Variants in ARAP1 observed in about 807,000 individuals in gnomAD.
ARAP1 encodes the protein arf-GAP with Rho-GAP domain, ANK repeat and PH domain-containing protein 1.
A neutral mutation model predicts 172.2 loss-of-function variants in ARAP1; 76 were observed. The observed-to-expected ratio is 0.44, with a 90% CI of 0.37 to 0.53. The LOEUF is 0.53. Ranked by LOEUF, ARAP1 falls within the 20% of genes least tolerant of loss-of-function variation. ARAP1 has a pLI of 0.00. For missense variants in ARAP1, 1,686 were observed against 1,977.5 expected (o/e 0.85, Z 2.80); for synonymous variants, 804 against 803.3 (o/e 1.00, Z -0.01).
intron 1 of ARAP1, among the ~76,000 whole-genome samples, chr11:72,739,752 C>A (rs567148338): frequency 6.6e-6 from 1 of 152,186 alleles, no homozygotes. Flanking sequence ...CACTTCCTGT[C>A]CCTAGCCCTA....
At position 72,747,810 on chromosome 11, in the gene ARAP1, G is replaced by A. The variant is rs1444068700; in HGVS notation, c.-128+4518C>T. 3.3e-5 allele frequency among the ~76,000 whole-genome samples: 5 copies of A among 152,316 alleles called. No homozygotes were observed. In the East Asian group the frequency reaches 5.8e-4, roughly 18 times the overall value. On this transcript the variant is annotated intron_variant, in intron 1 of 34. Transcript: ENST00000393609. ...TCAGGATTTGACGGCAATTAGTCCC[G>A]TCTGCAAGCAGGATACCCCTGTACC...
In ARAP1 at chr11:72,701,472, AC is replaced by A; in HGVS notation, c.2302+176del. ...GACCTGCTCTGCAGTGTCATGCACTACCCCCACTCCCACCAGGATCATTTAG... is the reference window on the plus strand; with the variant it reads ...GACCTGCTCTGCAGTGTCATGCACTACCCCACTCCCACCAGGATCATTTAG... On this transcript the variant is annotated intron_variant, in intron 16 of 34. Coordinates refer to ENST00000393609, the MANE Select transcript of ARAP1 (RefSeq NM_001040118.3). 3.3e-5 allele frequency among the ~76,000 whole-genome samples: 5 copies of A among 152,136 alleles called. No homozygotes were observed. In the East Asian group the frequency reaches 9.7e-4, roughly 29 times the overall value.
chr11:72,686,798 G>A (rs1342479014), intron 33 of ARAP1, among the ~76,000 whole-genome samples: 2 of 152,062 alleles, frequency 1.3e-5, no homozygotes, highest in East Asian at 3.9e-4. Context: ...GCTGCACCCA[G>A]AGTGAGCCCT....
Position 72,726,627 on chromosome 11 carries a change from G to A in ARAP1, c.502C>T (p.Leu168=). ...TGGGTGGCATCCACTCACCTCACCA[G>A]CAGGCGGGGGGGTCCGGTGCGGGGC... ...VPPRTGPPRL[L]VSLPTKEEES... The change falls in exon 3 of 35, where the codon CTG becomes TTG. Residue 168 remains leucine, a synonymous_variant. Coordinates refer to ENST00000393609, the MANE Select transcript of ARAP1 (RefSeq NM_001040118.3). The surrounding 1 kb of genome is among the most constrained non-coding windows in gnomAD (Gnocchi z 6.5). 1 of 1,510,540 alleles carries A rather than the reference G, an allele frequency of 6.6e-7. No individual in the cohort carries two copies. Among genetic ancestry groups the A allele is most frequent in the Non-Finnish European group, 8.9e-7 (1 of 1,128,108 alleles). The allele number at this position is 1,510,540 out of a possible 1,614,324, so 93.6% of individuals were successfully genotyped here.
rs181061092 is a variant in ARAP1 at position 72,720,516 on chromosome 11, C to T, written c.509+6104G>A. On this transcript the variant is annotated intron_variant, in intron 3 of 34. Transcript: ENST00000393609. ...CCCCTAGGGCCAGTCCTCTCCATGC[C>T]GCCAGCAGTTCCCAGCACAGAAGGG... 1.8e-3 allele frequency among the ~76,000 whole-genome samples: 278 copies of T among 152,254 alleles called. 1 individual carries two copies. The highest frequency in any genetic ancestry group is 5.5e-3 in the Admixed American group (84 of 15,294).
chr11:72,706,425 C>T (rs1441270412), intron 12 of ARAP1, among the ~76,000 whole-genome samples: 1 of 152,220 alleles, frequency 6.6e-6, no homozygotes, highest in East Asian at 1.9e-4. Flanking sequence ...CCACCTCCAG[C>T]AGCCCACAGC....
chr11:72,685,686 A>C lies in ARAP1; in HGVS notation c.4336-5T>G, dbSNP rs1397103484. On this transcript the variant is annotated splice_polypyrimidine_tract_variant and splice_region_variant and intron_variant, in intron 34 of 34. Coordinates refer to ENST00000393609, the MANE Select transcript of ARAP1 (RefSeq NM_001040118.3). ...TGCTCAGACGTTGCGCAGAAGCTGC[A>C]GGAAGGCAAGAGACCCACAGGTATT... The C allele has an allele frequency of 6.2e-7, 1 of 1,614,028 alleles. No individual in the cohort carries two copies. Among genetic ancestry groups the C allele is most frequent in the Non-Finnish European group, 8.5e-7 (1 of 1,179,890 alleles).
At chr11:72,703,146 G>T in intron 14 of ARAP1, 67 bp from the exon 15 acceptor site, 1 of 1,417,952 alleles carries the variant, frequency 7.1e-7, no homozygotes. Context: ...GGGGCTACGG[G>T]GGAGGAGAGG....
intron 4 of ARAP1, 92 bp downstream of exon 4, chr11:72,714,060 A>G: frequency 7.7e-7 from 1 of 1,304,506 alleles, no homozygotes; most frequent in Non-Finnish European, 9.9e-7. Flanking sequence ...TTGCACAGAA[A>G]GGAGTGTGAT....
rs1366325820 is a variant in ARAP1 at position 72,693,765 on chromosome 11, C to T, written c.3735G>A (p.Leu1245=). ...LHFAEKVLPI[L]HGLGTDSHLV... is the part of the protein sequence containing the mutation. ...GGTGGCTGTCCGTGCCCAGCCCGTGCAGGATGGGCAGCACCTTCTCCGCAA... is the reference window on the plus strand; with the variant it reads ...GGTGGCTGTCCGTGCCCAGCCCGTGTAGGATGGGCAGCACCTTCTCCGCAA... Residue 1245 remains leucine (L), a synonymous_variant, in exon 28 of 35, where the codon CTG becomes CTA. Transcript: ENST00000393609. The surrounding 1 kb of genome is among the most constrained non-coding windows in gnomAD (Gnocchi z 4.6). 6.2e-7 allele frequency: 1 copy of T among 1,609,336 alleles called. No homozygotes were observed.
In ARAP1 at chr11:72,697,190, T is replaced by C; in HGVS notation, c.2959A>G (p.Thr987Ala). ...CVDYITQCGL[T>A]SEGIYRKCGQ... ...CACTTGCGGTAGATGCCCTCGGAGG[T>C]CAGGCCTAGGGAGGGGCGGGGCCAA... The change falls in exon 22 of 35, where the codon ACC becomes GCC. Residue 987 changes from threonine (T) to alanine (A), a missense_variant. Physicochemically the swap from Thr to Ala is moderately conservative, Grantham distance 58. Around this residue, in one of 5 missense-constraint regions of ARAP1, gnomAD observed 274 missense variants for 262.7 expected, o/e 1.04. Coordinates refer to ENST00000393609, the MANE Select transcript of ARAP1 (RefSeq NM_001040118.3). The C allele has an allele frequency of 6.2e-7, 1 of 1,600,420 alleles. No individual in the cohort carries two copies. The highest frequency in any genetic ancestry group is 8.5e-7 in the Non-Finnish European group (1 of 1,179,028).
At chr11:72,722,609 CA>C in intron 3 of ARAP1, among the ~76,000 whole-genome samples, 2 of 152,204 alleles carry the variant, frequency 1.3e-5, no homozygotes. Flanking sequence ...GATCAGCCTC[CA>C]GGAAGACCAG....
chr11:72,707,122 A>G, intron 12 of ARAP1, 53 bp downstream of exon 12: 17 of 1,481,316 alleles, frequency 1.1e-5, no homozygotes, highest in Non-Finnish European at 1.5e-5. Flanking sequence ...TGCCATCCCA[A>G]CTGGCCAACC....
In ARAP1 at chr11:72,685,314, A is replaced by T; in HGVS notation, c.*350T>A. On this transcript the variant is annotated 3_prime_UTR_variant, in exon 35 of 35. Transcript: ENST00000393609. ...GAGGAGCAGGGGGCTCCCTTCCGGCAGGGCCCCAGGGCCTCACGCCTCTGA... is the reference window on the plus strand; with the variant it reads ...GAGGAGCAGGGGGCTCCCTTCCGGCTGGGCCCCAGGGCCTCACGCCTCTGA... The T allele has an allele frequency of 3.0e-6, 1 of 336,806 alleles. No individual in the cohort carries two copies. The highest frequency in any genetic ancestry group is 5.6e-6 in the Non-Finnish European group (1 of 179,932). The allele number at this position is 336,806 out of a possible 1,614,324, so 20.9% of individuals were successfully genotyped here.
rs753041272 is a variant in ARAP1, at chr11:72,695,691, TCCACTGC to T, written c.3420+20_3420+26del. 6.2e-7 allele frequency: 1 copy of T among 1,614,072 alleles called. No homozygotes were observed. Among genetic ancestry groups the T allele is most frequent in the Non-Finnish European group, 8.5e-7 (1 of 1,179,962 alleles). ...TCATCTGCAAGGATCACCCCTGCCC[TCCACTGC>T]CCACTGGCCAGGGACGCACACTAAA... On this transcript the variant is annotated intron_variant, in intron 24 of 34. Coordinates refer to ENST00000393609, the MANE Select transcript of ARAP1 (RefSeq NM_001040118.3). The surrounding 1 kb of genome is among the most constrained non-coding windows in gnomAD (Gnocchi z 4.4).
chr11:72,711,062 A>AT lies in ARAP1; in HGVS notation c.1171dup (p.Ile391AsnfsTer14), dbSNP rs1247611368. ...GAAGGCAAAGGTTCGGTTGTTTGTG[A>AT]TCACTTCAAACTTCTGGTCCCCGAT... On this transcript the variant is annotated frameshift_variant, in exon 9 of 35. Coordinates refer to ENST00000393609, the MANE Select transcript of ARAP1 (RefSeq NM_001040118.3). LOFTEE classifies it high-confidence loss of function. The AT allele has an allele frequency of 1.2e-6, 2 of 1,614,180 alleles. No individual in the cohort carries two copies. The highest frequency in any genetic ancestry group is 1.7e-6 in the Non-Finnish European group (2 of 1,180,030).
At position 72,695,371 on chromosome 11, in the gene ARAP1, A is replaced by G; in HGVS notation, c.3576+16T>C. 1.9e-6 allele frequency: 3 copies of G among 1,614,078 alleles called. No individual in the cohort carries two copies. The highest frequency in any genetic ancestry group is 3.3e-5 in the Admixed American group (2 of 60,028). On this transcript the variant is annotated intron_variant, in intron 26 of 34. Transcript: ENST00000393609. This position sits in a 1 kb window ranked among gnomAD's most constrained non-coding sequence, Gnocchi z 4.4. Reference sequence around the variant, plus strand: ...CTGATTCTCTAGCCCCTTGGCTTCTAGGTCCCAGCACCTACCTTGATATGC... The same window carrying G: ...CTGATTCTCTAGCCCCTTGGCTTCTGGGTCCCAGCACCTACCTTGATATGC...
At position 72,735,634 on chromosome 11, in the gene ARAP1, GC is replaced by G. The variant is rs768605461; in HGVS notation, c.-127-3038del. Among the ~76,000 whole-genome samples, 22 of 152,254 alleles carry G rather than the reference GC, an allele frequency of 1.4e-4. No homozygotes were observed. The East Asian group carries it at 4.2e-3, about 29-fold the overall frequency. On this transcript the variant is annotated intron_variant, in intron 1 of 34. Transcript: ENST00000393609. The stretch of plus-strand genomic sequence containing the variant: ...AAAACTGAGCACCTGCTATATACAG[GC>G]CAGGCACTGTACTAAGCGTTTAACA...
intron 1 of ARAP1, among the ~76,000 whole-genome samples, chr11:72,742,520 G>C (rs1858231483): frequency 6.6e-6 from 1 of 152,162 alleles, no homozygotes; most frequent in Non-Finnish European, 1.5e-5. Flanking sequence ...GGCCCAGGGA[G>C]GAGAAGGGGA....
Sources: allele counts gnomAD v4.1 joint callset (sites outside exome capture counted in the v4.1 genomes callset), GRCh38; gene constraint gnomAD v4.1.1; regional missense constraint gnomAD v4.1.1; non-coding constraint Gnocchi (gnomAD v3.1); transcripts MANE v1.5; gene names NCBI Gene and HGNC (gene_info 2026-07-23, HGNC 2026-07-21).